The following C11orf58 variants were observed in gnomAD, a reference collection of about 807,000 sequenced individuals.
C11orf58 encodes chromosome 11 open reading frame 58.
In C11orf58, 5 loss-of-function variants were observed where a neutral mutation model predicts 22.7. The observed-to-expected ratio is 0.22, with a 90% CI of 0.12 to 0.46. C11orf58 has a LOEUF of 0.46. Ranked by LOEUF, C11orf58 falls within the 20% of genes least tolerant of loss-of-function variation. The pLI, the probability that C11orf58 is intolerant of heterozygous loss-of-function variation, is 0.99. For missense variants in C11orf58, 151 were observed against 223.3 expected, an observed-to-expected ratio of 0.68 and a Z score of 2.06; for synonymous variants, 71 against 70.7, an observed-to-expected ratio of 1.00 and a Z score of -0.02.
intron 1 of C11orf58, among the ~76,000 whole-genome samples, chr11:16,740,883 G>A (rs928338036): frequency 6.6e-6 from 1 of 151,140 alleles, no homozygotes; most frequent in Non-Finnish European, 1.5e-5. Flanking sequence ...CACGAGGTCA[G>A]GAGATCCAAA....
chr11:16,756,241 A>C lies in C11orf58; in HGVS notation c.*1137A>C, dbSNP rs1006847723. On this transcript the variant is annotated 3_prime_UTR_variant, in exon 5 of 5. Transcript: ENST00000228136. ...GAGCTATTATACATCTACATACTTA[A>C]AGGATGTATTTGGAGTGTTGGATTT... The C allele has an allele frequency of 9.3e-4, 141 of 151,914 alleles. 1 individual carries two copies. Among genetic ancestry groups the C allele is most frequent in the African/African-American group, 3.3e-3 (135 of 41,420 alleles). 9.4% of individuals were successfully genotyped at this position (151,914 alleles called of 1,614,324 possible).
At chr11:16,739,934 C>G (rs889151153) in intron 1 of C11orf58, among the ~76,000 whole-genome samples, 1 of 152,198 alleles carries the variant, frequency 6.6e-6, no homozygotes, top group Non-Finnish European at 1.5e-5. Context: ...AGACCTACCC[C>G]TCTGATGGGA....
chr11:16,746,080 C>T (rs1848485381), intron 2 of C11orf58, among the ~76,000 whole-genome samples: 1 of 152,174 alleles, frequency 6.6e-6, no homozygotes, highest in Admixed American at 6.5e-5. Context: ...GTGAGAAAGC[C>T]ATGCACATAG....
intron 3 of C11orf58, chr11:16,750,165 G>C (rs1261999611): frequency 6.6e-6 from 1 of 152,244 alleles, no homozygotes; most frequent in Non-Finnish European, 1.5e-5. Flanking sequence ...TACTTAAATT[G>C]TAGGTTCATT....
intron 1 of C11orf58, among the ~76,000 whole-genome samples, chr11:16,742,968 G>A (rs1022450319): frequency 6.6e-6 from 1 of 151,930 alleles, no homozygotes; most frequent in East Asian, 1.9e-4. Flanking sequence ...ACTTGGGATG[G>A]ATCTGCATTT....
In C11orf58 at chr11:16,756,772, G is replaced by A. The variant is rs1052030759; in HGVS notation, c.*1668G>A. Reference sequence around the variant, plus strand: ...AAAAATACAAAATTAGCTGGGCGTGGTGGTGCATGCCTGTAATCCCAGCTA... The same window carrying A: ...AAAAATACAAAATTAGCTGGGCGTGATGGTGCATGCCTGTAATCCCAGCTA... On this transcript the variant is annotated 3_prime_UTR_variant, in exon 5 of 5. Transcript: ENST00000228136. 3 of 151,674 alleles carry A rather than the reference G, an allele frequency of 2.0e-5. No homozygotes were observed. Among genetic ancestry groups the A allele is most frequent in the Non-Finnish European group, 4.4e-5 (3 of 67,962 alleles). 9.4% of individuals were successfully genotyped at this position (151,674 alleles called of 1,614,324 possible).
chr11:16,741,317 G>A (rs920146800), intron 1 of C11orf58, among the ~76,000 whole-genome samples: 2 of 152,142 alleles, frequency 1.3e-5, no homozygotes, highest in Non-Finnish European at 2.9e-5. Context: ...GAGTCACCAG[G>A]TTATGTATTG....
rs1454218384 is a variant in C11orf58, at chr11:16,757,469, A to C, written c.*2365A>C. 6.6e-6 allele frequency among the ~76,000 whole-genome samples: 1 copy of C among 152,180 alleles called. No individual in the cohort carries two copies. The highest frequency in any genetic ancestry group is 1.5e-5 in the Non-Finnish European group (1 of 68,030). On this transcript the variant is annotated 3_prime_UTR_variant, in exon 5 of 5. Coordinates refer to ENST00000228136, the MANE Select transcript of C11orf58 (RefSeq NM_014267.6). ...GCTAACAAAATTCAGGGTTAGAGTA[A>C]ATTTAGGTCTGTTGGTCCATGTGGC...
chr11:16,743,942 G>A (rs576831417), intron 1 of C11orf58, among the ~76,000 whole-genome samples: 52 of 150,962 alleles, frequency 3.4e-4, no homozygotes, highest in African/African-American at 1.2e-3. Context: ...GATAGCATGA[G>A]TTTTAGTCTG....
Position 16,738,734 on chromosome 11 carries a change from G to A in C11orf58, c.-45G>A. ...AAGCTGCTGGTTTTGCGGCTGGGAA[G>A]AGCGGCGAGAGGGTTCGGCATTTTT... On this transcript the variant is annotated 5_prime_UTR_variant, in exon 1 of 5. Transcript: ENST00000228136. 1 of 1,608,146 alleles carries A rather than the reference G, an allele frequency of 6.2e-7. No individual in the cohort carries two copies.
rs11550903 is a variant in C11orf58 at position 16,758,314 on chromosome 11, G to A, written c.*3210G>A. 0.31 allele frequency among the ~76,000 whole-genome samples: 46,909 copies of A among 152,020 alleles called. 8,710 individuals are homozygous for A. Among genetic ancestry groups the A allele is most frequent in the Non-Finnish European group, 0.42 (28,248 of 67,964 alleles). On this transcript the variant is annotated 3_prime_UTR_variant, in exon 5 of 5. Coordinates refer to ENST00000228136, the MANE Select transcript of C11orf58 (RefSeq NM_014267.6). ...GAAAGATCACCAAATGTATAAATCCGTATTAGTAAAAATTGGTTTTAACTG... is the reference window on the plus strand; with the variant it reads ...GAAAGATCACCAAATGTATAAATCCATATTAGTAAAAATTGGTTTTAACTG...
intron 1 of C11orf58, among the ~76,000 whole-genome samples, chr11:16,743,383 G>A (rs1047181774): frequency 6.6e-6 from 1 of 152,166 alleles, no homozygotes; most frequent in Non-Finnish European, 1.5e-5. Context: ...CTCTCCCAGT[G>A]AGAGTACATT....
chr11:16,758,327 T>C lies in C11orf58; in HGVS notation c.*3223T>C, dbSNP rs899502031. Among the ~76,000 whole-genome samples the C allele has an allele frequency of 5.3e-5, 8 of 152,212 alleles. No homozygotes were observed. The East Asian group carries it at 5.8e-4, about 11-fold the overall frequency. ...ATGTATAAATCCGTATTAGTAAAAA[T>C]TGGTTTTAACTGACCTCAGCACTGC... On this transcript the variant is annotated 3_prime_UTR_variant, in exon 5 of 5. Transcript: ENST00000228136.
chr11:16,743,731 T>TA (rs1204862507), intron 1 of C11orf58, among the ~76,000 whole-genome samples: 1 of 152,180 alleles, frequency 6.6e-6, no homozygotes, highest in African/African-American at 2.4e-5. Context: ...ACTAATATCT[T>TA]AAAAACTATT....
intron 1 of C11orf58, 29 bp downstream of exon 1, chr11:16,738,870 G>T (rs1238345540): frequency 6.2e-7 from 1 of 1,613,276 alleles, no homozygotes; most frequent in Non-Finnish European, 8.5e-7. Flanking sequence ...GTGGCTGAGG[G>T]TTGAGGCCTA....
At chr11:16,742,880 CTT>C (rs1848458787) in intron 1 of C11orf58, among the ~76,000 whole-genome samples, 1 of 152,092 alleles carries the variant, frequency 6.6e-6, no homozygotes, top group African/African-American at 2.4e-5. Flanking sequence ...CCACCCACCT[CTT>C]TGGCAAATCT....
Position 16,758,067 on chromosome 11 carries a change from C to T in C11orf58, c.*2963C>T, listed in dbSNP as rs183786587. Among the ~76,000 whole-genome samples the T allele has an allele frequency of 5.3e-5, 8 of 152,338 alleles. No individual in the cohort carries two copies. The highest frequency in any genetic ancestry group is 1.4e-4 in the African/African-American group (6 of 41,584). On this transcript the variant is annotated 3_prime_UTR_variant, in exon 5 of 5. Transcript: ENST00000228136. Reference sequence around the variant, plus strand: ...CCTAAATACTTGGAATATCCGAAAACAACTTCTAAAATCACTCAATAAAAG... The same window carrying T: ...CCTAAATACTTGGAATATCCGAAAATAACTTCTAAAATCACTCAATAAAAG...
chr11:16,738,807 A>G lies in C11orf58; in HGVS notation c.29A>G (p.His10Arg). ...AGTGCTGCCAGAGAGTCTCACCCGCATGGGGTGAAGCGTTCAGCCTCCCCA... is the reference window on the plus strand; with the variant it reads ...AGTGCTGCCAGAGAGTCTCACCCGCGTGGGGTGAAGCGTTCAGCCTCCCCA... MSAARESHP[H>R]GVKRSASPDD... is the part of the protein sequence containing the mutation. Residue 10 changes from histidine (H) to arginine (R), a missense_variant, in exon 1 of 5, where the codon CAT (histidine) becomes CGT (arginine). His to Arg is a conservative substitution (Grantham distance 29). This residue lies in a region of C11orf58 where 34 missense variants were observed against 36.5 expected (regional missense o/e 0.93). Coordinates refer to ENST00000228136, the MANE Select transcript of C11orf58 (RefSeq NM_014267.6). 1.2e-6 allele frequency: 2 copies of G among 1,614,098 alleles called. No homozygotes were observed. Among genetic ancestry groups the G allele is most frequent in the African/African-American group, 2.7e-5 (2 of 75,030 alleles).
At chr11:16,743,816 TAAA>T (rs140623899) in intron 1 of C11orf58, among the ~76,000 whole-genome samples, 2,761 of 152,226 alleles carry the variant, frequency 0.018, 75 homozygotes, top group East Asian at 0.053. Context: ...TAAAAACTAT[TAAA>T]AAACAACAGT....
Sources: gnomAD v4.1 joint callset for allele counts (sites outside exome capture counted in the v4.1 genomes callset) on GRCh38, gnomAD v4.1.1 for gene constraint, gnomAD v4.1.1 regional missense constraint, MANE v1.5 for transcripts, NCBI Gene and HGNC (gene_info 2026-07-23, HGNC 2026-07-21) for gene names.